C11orf97: variants seen among roughly 807,000 people sequenced by gnomAD.
C11orf97 encodes chromosome 11 open reading frame 97.
A neutral mutation model predicts 16.2 loss-of-function variants in C11orf97; 15 were observed. The observed-to-expected ratio is 0.93, with a 90% CI of 0.62 to 1.43. The LOEUF (loss-of-function observed/expected upper bound fraction) is 1.43. Ranked by LOEUF, C11orf97 falls within the 40% of genes most tolerant of loss-of-function variation. C11orf97 has a pLI of 0.00. For synonymous variants in C11orf97, 61 were observed against 65.7 expected, an observed-to-expected ratio of 0.93 and a Z score of 0.34; for missense variants, 171 against 161.2, an observed-to-expected ratio of 1.06 and a Z score of -0.33.
chr11:94,528,043 T>C lies in C11orf97; in HGVS notation c.251-41T>C, dbSNP rs1399206939. The C allele has an allele frequency of 1.2e-5, 18 of 1,489,994 alleles. No individual in the cohort carries two copies. In the South Asian group the frequency reaches 2.2e-4, roughly 18 times the overall value. The allele number at this position is 1,489,994 out of a possible 1,614,324, so 92.3% of individuals were successfully genotyped here. On this transcript the variant is annotated intron_variant, in intron 2 of 3. Transcript: ENST00000542198. Reference sequence around the variant, plus strand: ...TAAAAACTCTGTGCTAAAAAGAGAATACGCTAATAATTATTTTCTTGCCTT... The same window carrying C: ...TAAAAACTCTGTGCTAAAAAGAGAACACGCTAATAATTATTTTCTTGCCTT...
Position 94,524,180 on chromosome 11 carries a change from T to C in C11orf97, c.251-3904T>C, listed in dbSNP as rs1033311466. ...TAAATTTTTTGCAAATAATCTCTTTTAATTCTTGCAATAACCCAGTGAGAT... is the reference window on the plus strand; with the variant it reads ...TAAATTTTTTGCAAATAATCTCTTTCAATTCTTGCAATAACCCAGTGAGAT... On this transcript the variant is annotated intron_variant, in intron 2 of 3. Coordinates refer to ENST00000542198, the MANE Select transcript of C11orf97 (RefSeq NM_001190462.2). Among the ~76,000 whole-genome samples the C allele has an allele frequency of 6.6e-5, 10 of 152,222 alleles. No homozygotes were observed. In the East Asian group the frequency reaches 1.9e-3, roughly 29 times the overall value.
intron 2 of C11orf97, among the ~76,000 whole-genome samples, chr11:94,519,759 T>C (rs1033207731): frequency 2.6e-5 from 4 of 152,264 alleles, no homozygotes; most frequent in Non-Finnish European, 5.9e-5. Context: ...GGTTTTAAAA[T>C]GATCTACTTA....
At chr11:94,519,323 G>A (rs1947638641) in intron 2 of C11orf97, among the ~76,000 whole-genome samples, 1 of 152,148 alleles carries the variant, frequency 6.6e-6, no homozygotes, top group Non-Finnish European at 1.5e-5. Flanking sequence ...ATATCTTCAA[G>A]GAAAGTTTTA....
At chr11:94,529,689 C>T (rs1010992910) in intron 3 of C11orf97, among the ~76,000 whole-genome samples, 2 of 152,202 alleles carry the variant, frequency 1.3e-5, no homozygotes, top group African/African-American at 4.8e-5. Context: ...AAGACTATGG[C>T]CCAACACTAC....
chr11:94,522,215 C>T (rs1947662417), intron 2 of C11orf97, among the ~76,000 whole-genome samples: 1 of 152,128 alleles, frequency 6.6e-6, no homozygotes, highest in African/African-American at 2.4e-5. Flanking sequence ...CATAAGATAA[C>T]TCAGGCCCAA....
intron 2 of C11orf97, among the ~76,000 whole-genome samples, chr11:94,521,136 C>A (rs1277251429): frequency 6.6e-6 from 1 of 152,202 alleles, no homozygotes; most frequent in African/African-American, 2.4e-5. Flanking sequence ...CTCAGAGAGG[C>A]CTTTCCACTC....
intron 2 of C11orf97, among the ~76,000 whole-genome samples, chr11:94,518,131 G>A (rs1375919648): frequency 7.9e-6 from 1 of 126,182 alleles, no homozygotes; most frequent in African/African-American, 3.2e-5. Flanking sequence ...CTGGGTGACA[G>A]AGCAAGACTC....
intron 2 of C11orf97, among the ~76,000 whole-genome samples, chr11:94,521,956 T>C (rs1009569190): frequency 2.6e-5 from 4 of 152,216 alleles, no homozygotes; most frequent in Non-Finnish European, 5.9e-5. Context: ...ACCTTGTTCC[T>C]TTCTCAAATT....
At chr11:94,512,918 A>G (rs984903396) in intron 1 of C11orf97, among the ~76,000 whole-genome samples, 20 of 151,854 alleles carry the variant, frequency 1.3e-4, no homozygotes, top group African/African-American at 4.6e-4. Context: ...CAATTTAATC[A>G]TAGTGGCGTT....
At chr11:94,528,255 C>T in intron 3 of C11orf97, 46 bp downstream of exon 3, 1 of 1,490,838 alleles carries the variant, frequency 6.7e-7, no homozygotes, top group Non-Finnish European at 8.9e-7. Flanking sequence ...CCTGAGGGGA[C>T]TTTACAGTTT....
At chr11:94,513,943 G>T (rs1163686222) in intron 1 of C11orf97, among the ~76,000 whole-genome samples, 1 of 152,184 alleles carries the variant, frequency 6.6e-6, no homozygotes, top group Non-Finnish European at 1.5e-5. Context: ...GAGTAGCTGA[G>T]ATTACAGGCA....
intron 1 of C11orf97, among the ~76,000 whole-genome samples, chr11:94,513,595 C>G (rs1187382721): frequency 6.6e-6 from 1 of 152,162 alleles, no homozygotes; most frequent in Non-Finnish European, 1.5e-5. Flanking sequence ...CATACTTGTG[C>G]TTGGTGGACC....
In C11orf97 at chr11:94,512,673, T is replaced by C. The variant is rs536737284; in HGVS notation, c.145T>C (p.Trp49Arg). The C allele has an allele frequency of 8.1e-6, 10 of 1,239,136 alleles. No individual in the cohort carries two copies. Among genetic ancestry groups the C allele is most frequent in the Non-Finnish European group, 1.0e-6 (1 of 991,314 alleles). The allele number at this position is 1,239,136 out of a possible 1,614,324, so 76.8% of individuals were successfully genotyped here. ...CGGCCCCCTAGAGCACGGCCAGCAG[T>C]GTGAGTTCAGCTCCAGCCGCGGACG... ...GRGPLEHGQQ[W>R]KKFLYCEPHK... The change falls in exon 1 of 4, where the codon TGG becomes CGG. Residue 49 changes from tryptophan (W) to arginine (R), a missense_variant and splice_region_variant. Trp to Arg is a moderately radical substitution (Grantham distance 101, BLOSUM62 -3). Transcript: ENST00000542198.
In C11orf97 at chr11:94,528,066, C is replaced by CT. The variant is rs574432182; in HGVS notation, c.251-16dup. On this transcript the variant is annotated splice_polypyrimidine_tract_variant and intron_variant, in intron 2 of 3. Transcript: ENST00000542198. ...AATACGCTAATAATTATTTTCTTGC[C>CT]TTAAAAAATATTGACAGTGGCCCTG... The CT allele has an allele frequency of 2.1e-4, 322 of 1,513,714 alleles. No individual in the cohort carries two copies. In the East Asian group the frequency reaches 6.2e-3, roughly 29 times the overall value. 93.8% of individuals were successfully genotyped at this position (1,513,714 alleles called of 1,614,324 possible).
At chr11:94,518,195 TC>T (rs1324001742) in intron 2 of C11orf97, among the ~76,000 whole-genome samples, 1 of 150,972 alleles carries the variant, frequency 6.6e-6, no homozygotes, top group Non-Finnish European at 1.5e-5. Context: ...TACTTTGCTG[TC>T]CCACTTTCTT....
chr11:94,521,556 G>A (rs1459799135), intron 2 of C11orf97, among the ~76,000 whole-genome samples: 3 of 152,142 alleles, frequency 2.0e-5, no homozygotes, highest in Non-Finnish European at 4.4e-5. Context: ...AGGTTTTTCA[G>A]GATGTAACTC....
chr11:94,525,112 G>C (rs1307428786), intron 2 of C11orf97, among the ~76,000 whole-genome samples: 1 of 151,432 alleles, frequency 6.6e-6, no homozygotes, highest in African/African-American at 2.4e-5. Context: ...AGGCTTATGA[G>C]ACATTCATTA....
intron 2 of C11orf97, among the ~76,000 whole-genome samples, chr11:94,524,952 T>A (rs1947688286): frequency 6.6e-6 from 1 of 151,604 alleles, no homozygotes; most frequent in East Asian, 1.9e-4. Context: ...CCAGCTACTC[T>A]TGAGGCTGAG....
intron 2 of C11orf97, among the ~76,000 whole-genome samples, chr11:94,521,688 G>A (rs954984219): frequency 2.0e-5 from 3 of 152,166 alleles, no homozygotes; most frequent in African/African-American, 7.2e-5. Flanking sequence ...TCCTCACAAA[G>A]CTGTATGATA....
Sources: gnomAD v4.1 joint callset for allele counts (sites outside exome capture counted in the v4.1 genomes callset) on GRCh38, gnomAD v4.1.1 for gene constraint, MANE v1.5 for transcripts, NCBI Gene and HGNC (gene_info 2026-07-23, HGNC 2026-07-21) for gene names.